The following HGS variants were observed in gnomAD, a reference collection of about 807,000 sequenced individuals.
The protein encoded by HGS is hepatocyte growth factor-regulated tyrosine kinase substrate, also known as human growth factor-regulated tyrosine kinase substrate.
In HGS, 63 loss-of-function variants were observed where a neutral mutation model predicts 109.7. The observed-to-expected ratio is 0.57, with a 90% CI of 0.47 to 0.71. The LOEUF is 0.71. Ranked by LOEUF, HGS falls within the 30% of genes least tolerant of loss-of-function variation. HGS has a pLI of 0.00. For missense variants in HGS, 995 were observed against 1,068.3 expected, an observed-to-expected ratio of 0.93 and a Z score of 0.96; for synonymous variants, 546 against 437.3, an observed-to-expected ratio of 1.25 and a Z score of -3.10.
chr17:81,690,967 A>C, intron 7 of HGS: 1 of 530,140 alleles, frequency 1.9e-6, no homozygotes. Context: ...CTGGAATTAT[A>C]ATGTTTTAAA....
chr17:81,700,534 C>T lies in HGS; in HGVS notation c.1950C>T (p.Ala650=), dbSNP rs772830926. The change falls in exon 19 of 22, where the codon GCC becomes GCT. Residue 650 remains alanine, a synonymous_variant. Transcript: ENST00000329138. ...GATGAQAAPQ[A]QAGPTASPAY... Reference sequence around the variant, plus strand: ...CTGGGGCGCAGGCGGCCCCCCAGGCCCAGGCCGGACCCACCGCCAGCCCCG... The same window carrying T: ...CTGGGGCGCAGGCGGCCCCCCAGGCTCAGGCCGGACCCACCGCCAGCCCCG... 6.2e-7 allele frequency: 1 copy of T among 1,610,342 alleles called. No homozygotes were observed. The highest frequency in any genetic ancestry group is 8.5e-7 in the Non-Finnish European group (1 of 1,178,230).
Position 81,701,509 on chromosome 17 carries a change from TGGCACCCTCTGGC to T in HGS, c.2228_2240del (p.Ala743ValfsTer53). On this transcript the variant is annotated frameshift_variant and splice_region_variant, in exon 22 of 22. Transcript: ENST00000329138. LOFTEE classifies it low-confidence loss of function (END_TRUNC). ...CATGCCTGCTTTCCTCCTGCACAGATGGCACCCTCTGGCGGTCCCCCCCAGCAGCAGCCCCCCG... is the reference window on the plus strand; with the variant it reads ...CATGCCTGCTTTCCTCCTGCACAGATGGTCCCCCCCAGCAGCAGCCCCCCG... The T allele has an allele frequency of 6.4e-7, 1 of 1,554,150 alleles. No homozygotes were observed. Among genetic ancestry groups the T allele is most frequent in the Non-Finnish European group, 8.6e-7 (1 of 1,156,406 alleles).
rs34868130 is a variant in HGS at position 81,695,806 on chromosome 17, G to A, written c.1200G>A (p.Glu400=). The change falls in exon 15 of 22, where the codon GAG becomes GAA. Residue 400 remains glutamate, a synonymous_variant. Transcript: ENST00000329138. ...PFSEPQFHNG[E]SEESHEQFLK... ...TGCAGCCACAGTTCCACAATGGCGA[G>A]TCTGAGGAGAGCCACGAGCAGTTCC... The A allele has an allele frequency of 4.3e-6, 7 of 1,613,364 alleles. No individual in the cohort carries two copies.
chr17:81,696,161 C>T (rs2037142907), intron 15 of HGS, 162 bp downstream of exon 15: 1 of 898,568 alleles, frequency 1.1e-6, no homozygotes, highest in East Asian at 2.7e-5. Context: ...TCAGTGATGA[C>T]CATGCCCTGC....
At chr17:81,690,121 G>C (rs2037040852) in intron 5 of HGS, 61 bp from the exon 6 acceptor site, 3 of 1,559,540 alleles carry the variant, frequency 1.9e-6, no homozygotes, top group Admixed American at 1.7e-5. Context: ...TGAGGAAGGG[G>C]CTCCCGGAAG....
chr17:81,701,782 C>A lies in HGS; in HGVS notation c.*164C>A. 1 of 1,009,682 alleles carries A rather than the reference C, an allele frequency of 9.9e-7. No individual in the cohort carries two copies. 62.5% of individuals were successfully genotyped at this position (1,009,682 alleles called of 1,614,324 possible). ...CCAAGCCCACCTCCCTTGTCCTCAG[C>A]CTACTGCAGTCCCTGAGTTAGTCTC... On this transcript the variant is annotated 3_prime_UTR_variant, in exon 22 of 22. Coordinates refer to ENST00000329138, the MANE Select transcript of HGS (RefSeq NM_004712.5).
At chr17:81,686,170 A>G (rs796913648) in intron 2 of HGS, 142 bp from the exon 3 acceptor site, 14 of 668,918 alleles carry the variant, frequency 2.1e-5, no homozygotes, top group Middle Eastern at 2.6e-4. Context: ...GGCTCAAGCA[A>G]TCCTCCTGCC....
At position 81,688,903 on chromosome 17, in the gene HGS, G is replaced by A. The variant is rs550585717; in HGVS notation, c.415+76G>A. The A allele has an allele frequency of 2.1e-5, 33 of 1,580,024 alleles. No homozygotes were observed. In the South Asian group the frequency reaches 2.1e-4, roughly 10 times the overall value. ...AGTCAGGCTCAACGGGCACAGTGGC[G>A]AGGGGCCTGGGAAGATGGGTTGTTC... On this transcript the variant is annotated intron_variant, in intron 5 of 21. Coordinates refer to ENST00000329138, the MANE Select transcript of HGS (RefSeq NM_004712.5).
intron 21 of HGS, 148 bp downstream of exon 21, chr17:81,701,279 C>A: frequency 1.2e-6 from 1 of 821,138 alleles, no homozygotes; most frequent in African/African-American, 1.7e-5. Flanking sequence ...TCTCAGCAGA[C>A]AGAACGAGGA....
chr17:81,686,465 C>T (rs1253683348), intron 3 of HGS, 78 bp downstream of exon 3: 7 of 1,077,252 alleles, frequency 6.5e-6, no homozygotes, highest in Non-Finnish European at 8.5e-6. Flanking sequence ...AAGAGTTTGT[C>T]CTGTGGCCTT....
intron 11 of HGS, among the ~76,000 whole-genome samples, chr17:81,694,545 C>A (rs1356296800): frequency 6.6e-6 from 1 of 152,226 alleles, no homozygotes; most frequent in Non-Finnish European, 1.5e-5. Flanking sequence ...CACCTTGAGG[C>A]CCCAGGGCTG....
chr17:81,694,040 G>A, intron 11 of HGS, 75 bp downstream of exon 11: 1 of 1,314,744 alleles, frequency 7.6e-7, no homozygotes. Flanking sequence ...TCCCTGAGCT[G>A]ATTTAGTCAG....
At chr17:81,687,254 C>A (rs943727190) in intron 4 of HGS, among the ~76,000 whole-genome samples, 159 bp downstream of exon 4, 1 of 152,174 alleles carries the variant, frequency 6.6e-6, no homozygotes, top group Non-Finnish European at 1.5e-5. Flanking sequence ...ACTCATGAGT[C>A]GGAGAGACAG....
intron 1 of HGS, chr17:81,684,769 G>C (rs563294781): frequency 7.8e-5 from 18 of 231,094 alleles, no homozygotes; most frequent in Middle Eastern, 2.3e-3. Flanking sequence ...GTAGGAGCTT[G>C]GGTGGTCGAA....
chr17:81,696,893 T>C lies in HGS; in HGVS notation c.1777T>C (p.Phe593Leu). ...GGGACCAGCCAGCTTCCCCAGCACC[T>C]TCAGCCCTGCCGGCTCGGTGGAGGG... ...PSGPASFPST[F>L]SPAGSVEGSP... The change falls in exon 18 of 22, where the codon TTC (phenylalanine) becomes CTC (leucine). Residue 593 changes from phenylalanine to leucine, a missense_variant. This residue lies in a region of HGS where 326 missense variants were observed against 309.7 expected (regional missense o/e 1.05). Coordinates refer to ENST00000329138, the MANE Select transcript of HGS (RefSeq NM_004712.5). The C allele has an allele frequency of 1.9e-6, 3 of 1,610,338 alleles. No individual in the cohort carries two copies. The highest frequency in any genetic ancestry group is 1.6e-4 in the Middle Eastern group (1 of 6,062).
At position 81,691,963 on chromosome 17, in the gene HGS, C is replaced by G. The variant is rs1330278595; in HGVS notation, c.662+392C>G. ...TGCGGGGCCGCGGCCGGTGCCTCGG[C>G]GGTCGGTGTTTTGTCGCAGAGTTTA... On this transcript the variant is annotated intron_variant, in intron 8 of 21. Coordinates refer to ENST00000329138, the MANE Select transcript of HGS (RefSeq NM_004712.5). This position sits in a 1 kb window ranked among gnomAD's most constrained non-coding sequence, Gnocchi z 5.3. 1 of 193,092 alleles carries G rather than the reference C, an allele frequency of 5.2e-6. No individual in the cohort carries two copies. Among genetic ancestry groups the G allele is most frequent in the South Asian group, 1.0e-4 (1 of 9,624 alleles). The allele number at this position is 193,092 out of a possible 1,614,324, so 12.0% of individuals were successfully genotyped here.
rs201073328 is a variant in HGS at position 81,700,449 on chromosome 17, C to G, written c.1883-18C>G. On this transcript the variant is annotated intron_variant, in intron 18 of 21. Coordinates refer to ENST00000329138, the MANE Select transcript of HGS (RefSeq NM_004712.5). ...TGTTGCCCTGGCTGAACCATCTCCC[C>G]TGTCTTGTTTGTCACAGATCCCAGC... 2,668 of 1,542,708 alleles carry G rather than the reference C, an allele frequency of 1.7e-3. 1 individual carries two copies. Among genetic ancestry groups the G allele is most frequent in the Non-Finnish European group, 2.2e-3 (2,563 of 1,142,648 alleles).
At chr17:81,700,920 C>G in intron 20 of HGS, 106 bp downstream of exon 20, 5 of 1,513,416 alleles carry the variant, frequency 3.3e-6, no homozygotes, top group Non-Finnish European at 3.6e-6. Context: ...TCCACCCCTT[C>G]TGCTCCTCCC....
In HGS at chr17:81,696,485, A is replaced by T; in HGVS notation, c.1522A>T (p.Ile508Phe). 1 of 1,529,624 alleles carries T rather than the reference A, an allele frequency of 6.5e-7. No individual in the cohort carries two copies. The highest frequency in any genetic ancestry group is 8.8e-7 in the Non-Finnish European group (1 of 1,136,634). 94.8% of individuals were successfully genotyped at this position (1,529,624 alleles called of 1,614,324 possible). The change falls in exon 16 of 22, where the codon ATC (isoleucine) becomes TTC (phenylalanine). Residue 508 changes from isoleucine (I) to phenylalanine (F), a missense_variant. Around this residue, in one of 6 missense-constraint regions of HGS, gnomAD observed 163 missense variants for 217.8 expected, o/e 0.75. Coordinates refer to ENST00000329138, the MANE Select transcript of HGS (RefSeq NM_004712.5). ...AAEEAERQRQ[I>F]QLAQKLEIMR... is the part of the protein sequence containing the mutation. ...CGAGGAGGCAGAGCGCCAGCGCCAG[A>T]TCCAGCTGGCCCAGAAGCTGGAGAT...
Sources: allele counts gnomAD v4.1 joint callset (sites outside exome capture counted in the v4.1 genomes callset), GRCh38; gene constraint gnomAD v4.1.1; regional missense constraint gnomAD v4.1.1; non-coding constraint Gnocchi (gnomAD v3.1); transcripts MANE v1.5; gene names NCBI Gene and HGNC (gene_info 2026-07-23, HGNC 2026-07-21).